Variants in RARB observed in about 807,000 individuals in gnomAD.
RARB encodes HBV-activated protein.
A neutral mutation model predicts 51.9 loss-of-function variants in RARB; 17 were observed. That is an observed-to-expected ratio of 0.33 (90% CI 0.22 to 0.49). The LOEUF (loss-of-function observed/expected upper bound fraction) is 0.49. Among genes scored for constraint, RARB ranks in the 20% least tolerant of loss-of-function variants. The pLI is 0.99. For missense variants in RARB, 369 were observed against 550.8 expected (o/e 0.67, Z 3.30); for synonymous variants, 215 against 195.4 (o/e 1.10, Z -0.84).
chr3:25,310,818 A>G (rs1704271885), intron 5 of RARB, among the ~76,000 whole-genome samples: 1 of 152,218 alleles, frequency 6.6e-6, no homozygotes, highest in Non-Finnish European at 1.5e-5. Flanking sequence ...TTCCTCAGGC[A>G]GTGCCCGTGT....
chr3:25,409,856 T>G (rs1200260397), intron 5 of RARB, among the ~76,000 whole-genome samples: 1 of 152,220 alleles, frequency 6.6e-6, no homozygotes, highest in East Asian at 1.9e-4. Flanking sequence ...TACTTTTACC[T>G]CCCAGGAATC....
intron 3 of RARB, among the ~76,000 whole-genome samples, chr3:25,507,775 C>G (rs1469653680): frequency 6.6e-6 from 1 of 152,136 alleles, no homozygotes; most frequent in Non-Finnish European, 1.5e-5. Context: ...AAATGGAAGA[C>G]AAGAAGTAGG....
chr3:24,856,297 C>T (rs921564477), intron 1 of RARB, among the ~76,000 whole-genome samples: 9 of 151,980 alleles, frequency 5.9e-5, no homozygotes, highest in Admixed American at 3.3e-4. Context: ...CACTTTGTGG[C>T]GAGGCTTCCT....
chr3:25,203,558 A>T (rs1439796271), intron 5 of RARB, among the ~76,000 whole-genome samples: 3 of 152,208 alleles, frequency 2.0e-5, no homozygotes, highest in Non-Finnish European at 2.9e-5. Context: ...ATGTTTTTGC[A>T]GTGGCTGGTA....
intron 5 of RARB, among the ~76,000 whole-genome samples, chr3:25,285,716 A>T (rs1703633786): frequency 6.6e-6 from 1 of 152,208 alleles, no homozygotes; most frequent in Admixed American, 6.5e-5. Context: ...ACGCAGTGTG[A>T]CTATGCCCAT....
intron 5 of RARB, among the ~76,000 whole-genome samples, chr3:25,309,761 C>G (rs978027022): frequency 5.9e-5 from 9 of 152,046 alleles, no homozygotes; most frequent in African/African-American, 2.2e-4. Flanking sequence ...TCCCAAAGTG[C>G]TGGGATTTCA....
intron 2 of RARB, among the ~76,000 whole-genome samples, chr3:25,019,033 A>C (rs770408313): frequency 2.0e-5 from 3 of 152,210 alleles, no homozygotes; most frequent in Non-Finnish European, 2.9e-5. Flanking sequence ...GAATAAAAAG[A>C]AAAGCAGAAC....
chr3:25,516,358 G>A (rs1005034513), intron 3 of RARB, among the ~76,000 whole-genome samples: 4 of 152,122 alleles, frequency 2.6e-5, no homozygotes, highest in Admixed American at 1.3e-4. Flanking sequence ...GAAATATAGT[G>A]TTCAAGATGT....
chr3:25,493,388 T>C (rs1696846831), intron 2 of RARB, among the ~76,000 whole-genome samples: 2 of 152,210 alleles, frequency 1.3e-5, no homozygotes, highest in Admixed American at 1.3e-4. Flanking sequence ...TTAAAAACCA[T>C]GTTTCCCAGA....
chr3:25,140,666 A>T (rs770418632), intron 4 of RARB, among the ~76,000 whole-genome samples: 2 of 152,212 alleles, frequency 1.3e-5, no homozygotes, highest in African/African-American at 4.8e-5. Flanking sequence ...GGTTGAAAGG[A>T]TTGACTCCAA....
intron 3 of RARB, among the ~76,000 whole-genome samples, chr3:25,563,128 A>G (rs1364674782): frequency 1.3e-5 from 2 of 152,182 alleles, no homozygotes; most frequent in African/African-American, 2.4e-5. Context: ...TGCTGGCACA[A>G]TGGACACCAG....
intron 5 of RARB, among the ~76,000 whole-genome samples, chr3:25,198,220 C>T (rs1351263749): frequency 2.0e-5 from 3 of 151,988 alleles, no homozygotes; most frequent in African/African-American, 4.8e-5. Context: ...TGGATGTCCA[C>T]ATGCAGAAGA....
At chr3:25,070,383 A>T (rs1266110271) in intron 3 of RARB, among the ~76,000 whole-genome samples, 1 of 152,124 alleles carries the variant, frequency 6.6e-6, no homozygotes, top group Admixed American at 6.5e-5. Context: ...ATTTAACCCA[A>T]AACTGTGACT....
chr3:24,999,033 C>A (rs2125273928), intron 2 of RARB, among the ~76,000 whole-genome samples: 1 of 152,170 alleles, frequency 6.6e-6, no homozygotes, highest in South Asian at 2.1e-4. Flanking sequence ...CCCTAATGGG[C>A]CCAGCTGGAA....
chr3:25,331,956 C>T (rs2125445546), intron 5 of RARB, among the ~76,000 whole-genome samples: 1 of 152,122 alleles, frequency 6.6e-6, no homozygotes, highest in South Asian at 2.1e-4. Context: ...ACACATACAC[C>T]CTCCCAAGAC....
intron 2 of RARB, among the ~76,000 whole-genome samples, chr3:25,013,135 A>G (rs1458535929): frequency 6.6e-6 from 1 of 152,110 alleles, no homozygotes; most frequent in Non-Finnish European, 1.5e-5. Flanking sequence ...ACAGAGACCT[A>G]GGCAGTGGTT....
chr3:25,104,179 A>G lies in RARB; in HGVS notation c.-327-27982A>G, dbSNP rs1264340780. On this transcript the variant is annotated intron_variant, in intron 3 of 11. Transcript: ENST00000383772. ...CAAATTAAAACCACAATGTGATTAT[A>G]CCGTACACCTGCCTGAATGGCTAAA... is the stretch of plus-strand genomic sequence containing the variant. Among the ~76,000 whole-genome samples, 4 of 152,298 alleles carry G rather than the reference A, an allele frequency of 2.6e-5. No homozygotes were observed. In the South Asian group the frequency reaches 6.2e-4, roughly 24 times the overall value.
At position 25,428,412 on chromosome 3, in the gene RARB, G is replaced by A. The variant is rs1708065729; in HGVS notation, c.-320G>A. On this transcript the variant is annotated 5_prime_UTR_variant, in exon 1 of 8. Transcript: ENST00000330688. ...GAGCAGGGTTTGTCTGGGCACCGTC[G>A]GGGTAGGATCCGGAACGCATTCGGA... The A allele has an allele frequency of 3.2e-6, 4 of 1,267,944 alleles. No individual in the cohort carries two copies. The highest frequency in any genetic ancestry group is 4.0e-6 in the Non-Finnish European group (4 of 1,008,776). The allele number at this position is 1,267,944 out of a possible 1,614,324, so 78.5% of individuals were successfully genotyped here. A position where few individuals can be genotyped will look rare whatever the true frequency, so the allele number is the denominator to read the frequency against.
chr3:25,130,292 GT>G (rs1699925157), intron 3 of RARB, among the ~76,000 whole-genome samples: 1 of 151,908 alleles, frequency 6.6e-6, no homozygotes, highest in African/African-American at 2.4e-5. Flanking sequence ...AACCCTACTT[GT>G]CTTTTAGGGC....
Sources: gnomAD v4.1 joint callset for allele counts (sites outside exome capture counted in the v4.1 genomes callset) on GRCh38, gnomAD v4.1.1 for gene constraint, MANE v1.5 for transcripts, NCBI Gene and HGNC (gene_info 2026-07-23, HGNC 2026-07-21) for gene names.